The following SKAP1 variants were observed in gnomAD, a reference collection of about 807,000 sequenced individuals.
The protein encoded by SKAP1 is src kinase associated phosphoprotein 1.
SKAP1 carries 44 observed loss-of-function variants against 58.5 expected under a neutral mutation model. The ratio of observed to expected loss-of-function variants is 0.75; its 90% CI spans 0.59 to 0.97. The LOEUF (loss-of-function observed/expected upper bound fraction) is 0.97, where lower values mean the gene tolerates loss of function less well. Ranked by LOEUF, SKAP1 falls within the 50% of genes least tolerant of loss-of-function variation. The pLI is 0.00. For synonymous variants in SKAP1, 127 were observed against 149.7 expected, an observed-to-expected ratio of 0.85 and a Z score of 1.11; for missense variants, 390 against 435.2, an observed-to-expected ratio of 0.90 and a Z score of 0.92.
chr17:48,410,933 T>TAAAAAA (rs1156488372), intron 1 of SKAP1, among the ~76,000 whole-genome samples: 1 of 21,466 alleles, frequency 4.7e-5, no homozygotes. Context: ...AGACTCCATT[T>TAAAAAA]CAAAAAAAAA....
At chr17:48,331,332 G>T (rs1038394119) in intron 4 of SKAP1, among the ~76,000 whole-genome samples, 1 of 152,112 alleles carries the variant, frequency 6.6e-6, no homozygotes, top group Non-Finnish European at 1.5e-5. Flanking sequence ...TAGCAACCAG[G>T]AATTAATTTG....
intron 11 of SKAP1, among the ~76,000 whole-genome samples, chr17:48,158,040 G>GGGGGT (rs2064004187): frequency 6.6e-6 from 1 of 151,664 alleles, no homozygotes; most frequent in African/African-American, 2.4e-5. Context: ...AGCTGGGCAT[G>GGGGGT]GGGGTGCAAG....
chr17:48,296,959 A>G (rs1055449970), intron 4 of SKAP1, among the ~76,000 whole-genome samples: 2 of 151,950 alleles, frequency 1.3e-5, no homozygotes, highest in African/African-American at 4.8e-5. Context: ...AATGACCTTT[A>G]TCAAACTTGA....
At chr17:48,179,849 CATT>C (rs2143448545) in intron 9 of SKAP1, among the ~76,000 whole-genome samples, 1 of 152,330 alleles carries the variant, frequency 6.6e-6, no homozygotes, top group South Asian at 2.1e-4. Flanking sequence ...AGAAGACACT[CATT>C]AATCAAATTC....
At chr17:48,372,392 C>T (rs1031219858) in intron 2 of SKAP1, among the ~76,000 whole-genome samples, 5 of 151,928 alleles carry the variant, frequency 3.3e-5, no homozygotes, top group East Asian at 1.9e-4. Flanking sequence ...CCGCAACCTC[C>T]GCCTCCCAGG....
chr17:48,205,249 A>G (rs1035742453), intron 4 of SKAP1, among the ~76,000 whole-genome samples: 2 of 151,492 alleles, frequency 1.3e-5, no homozygotes, highest in African/African-American at 4.9e-5. Context: ...AGCTGAAACT[A>G]CAGGCACATG....
intron 4 of SKAP1, among the ~76,000 whole-genome samples, chr17:48,295,026 T>A (rs558701965): frequency 2.3e-4 from 35 of 152,320 alleles, no homozygotes; most frequent in Admixed American, 7.2e-4. Flanking sequence ...TGCTTATTTT[T>A]TCCCAACTTA....
At chr17:48,391,181 T>A (rs1316218690) in intron 2 of SKAP1, among the ~76,000 whole-genome samples, 1 of 152,180 alleles carries the variant, frequency 6.6e-6, no homozygotes. Flanking sequence ...AAAGGTATGG[T>A]TTATTCTGAA....
At chr17:48,243,478 C>T (rs949205014) in intron 4 of SKAP1, among the ~76,000 whole-genome samples, 1 of 152,026 alleles carries the variant, frequency 6.6e-6, no homozygotes, top group Non-Finnish European at 1.5e-5. Context: ...AGGATCTTCA[C>T]ACTAAAAAGG....
At chr17:48,335,574 A>G (rs1050328798) in intron 4 of SKAP1, among the ~76,000 whole-genome samples, 1 of 152,104 alleles carries the variant, frequency 6.6e-6, no homozygotes. Context: ...AAATGTGTCC[A>G]CCATAGAAGG....
chr17:48,297,733 T>C (rs2065998166), intron 4 of SKAP1, among the ~76,000 whole-genome samples: 1 of 152,196 alleles, frequency 6.6e-6, no homozygotes, highest in Admixed American at 6.5e-5. Flanking sequence ...TAAAAATGTG[T>C]GGTTCTTATT....
chr17:48,409,276 T>C (rs2067630879), intron 1 of SKAP1, among the ~76,000 whole-genome samples: 1 of 152,204 alleles, frequency 6.6e-6, no homozygotes, highest in Non-Finnish European at 1.5e-5. Context: ...TTTCTCATAA[T>C]TGCCAAAGAG....
intron 4 of SKAP1, among the ~76,000 whole-genome samples, chr17:48,241,159 A>C (rs1277106710): frequency 6.6e-6 from 1 of 151,986 alleles, no homozygotes; most frequent in Admixed American, 6.5e-5. Flanking sequence ...ATAGTGTGAA[A>C]AGGTTACTTA....
intron 4 of SKAP1, among the ~76,000 whole-genome samples, chr17:48,304,527 T>C (rs2066109458): frequency 6.6e-6 from 1 of 152,200 alleles, no homozygotes; most frequent in East Asian, 1.9e-4. Flanking sequence ...TTAGAGCTAA[T>C]GGGCTTCTGC....
At chr17:48,286,198 G>A (rs976155950) in intron 4 of SKAP1, among the ~76,000 whole-genome samples, 1 of 152,196 alleles carries the variant, frequency 6.6e-6, no homozygotes. Context: ...GAGAAGATCT[G>A]CTGTATAAGA....
chr17:48,261,482 G>A (rs2065483688), intron 4 of SKAP1, among the ~76,000 whole-genome samples: 1 of 152,144 alleles, frequency 6.6e-6, no homozygotes, highest in Non-Finnish European at 1.5e-5. Flanking sequence ...AGTAGGGGGC[G>A]TTTTACGCTG....
intron 4 of SKAP1, among the ~76,000 whole-genome samples, chr17:48,236,542 T>A (rs1444898831): frequency 6.6e-6 from 1 of 152,204 alleles, no homozygotes; most frequent in Non-Finnish European, 1.5e-5. Flanking sequence ...CTTAATAAGA[T>A]TACATAAACA....
Position 48,345,990 on chromosome 17 carries a change from C to G in SKAP1, c.195G>C (p.Gln65His). ...DFQPQGGDIG[Q>H]DSSDDNHSGT... ...CGCTGTGATTATCATCAGAGCTGTC[C>G]TGTCCAATGTCTCCCCCTGAGGGAC... is the stretch of plus-strand genomic sequence containing the variant. Residue 65 changes from glutamine (Q) to histidine (H), a missense_variant, in exon 4 of 13, where the codon CAG becomes CAC. Physicochemically the swap from Gln to His is conservative, Grantham distance 24. Coordinates refer to ENST00000336915, the MANE Select transcript of SKAP1 (RefSeq NM_003726.4). 6.2e-7 allele frequency: 1 copy of G among 1,609,086 alleles called. No homozygotes were observed. Among genetic ancestry groups the G allele is most frequent in the Non-Finnish European group, 8.5e-7 (1 of 1,177,616 alleles).
intron 4 of SKAP1, among the ~76,000 whole-genome samples, chr17:48,344,456 T>C (rs1162334680): frequency 2.0e-5 from 3 of 152,152 alleles, no homozygotes; most frequent in Non-Finnish European, 4.4e-5. Context: ...GGATTACTTA[T>C]TGTGTTCTCA....
Sources: gnomAD v4.1 joint callset for allele counts (sites outside exome capture counted in the v4.1 genomes callset) on GRCh38, gnomAD v4.1.1 for gene constraint, MANE v1.5 for transcripts, NCBI Gene and HGNC (gene_info 2026-07-23, HGNC 2026-07-21) for gene names.